The following CLASP2 variants were observed in gnomAD, a reference collection of about 807,000 sequenced individuals.
CLASP2 encodes the protein cytoplasmic linker associated protein 2, also known as CLIP-associating protein 2.
CLASP2 carries 47 observed loss-of-function variants against 194.4 expected under a neutral mutation model. That is an observed-to-expected ratio of 0.24 (90% CI 0.19 to 0.31). CLASP2 has a LOEUF of 0.31. Among genes scored for constraint, CLASP2 ranks in the 10% least tolerant of loss-of-function variants. CLASP2 has a pLI of 1.00. For synonymous variants in CLASP2, 619 were observed against 633.5 expected (o/e 0.98, Z 0.34); for missense variants, 1,445 against 1,823.6 (o/e 0.79, Z 3.78).
Position 33,584,728 on chromosome 3 carries a change from A to T in CLASP2, c.2239+22T>A, listed in dbSNP as rs554347298. On this transcript the variant is annotated intron_variant, in intron 22 of 38. Coordinates refer to ENST00000682230, the MANE Select transcript of CLASP2 (RefSeq NM_001365631.1). ...AAAAAAAGGGTTACATGTCTCACAT[A>T]AAAAAAAAAAAAAAATCTTACCCAC... is the stretch of plus-strand genomic sequence containing the variant. 6.4e-3 allele frequency: 1,781 copies of T among 279,434 alleles called. 1 individual carries two copies. The highest frequency in any genetic ancestry group is 0.02 in the South Asian group (218 of 10,688). 17.3% of individuals were successfully genotyped at this position (279,434 alleles called of 1,614,324 possible).
chr3:33,660,026 G>A (rs2085019762), intron 7 of CLASP2, among the ~76,000 whole-genome samples: 1 of 152,128 alleles, frequency 6.6e-6, no homozygotes, highest in Non-Finnish European at 1.5e-5. Flanking sequence ...AAACAGAGAA[G>A]CCAGAAAATA....
chr3:33,635,560 T>C (rs2079987784), intron 8 of CLASP2, among the ~76,000 whole-genome samples: 1 of 151,986 alleles, frequency 6.6e-6, no homozygotes, highest in Non-Finnish European at 1.5e-5. Flanking sequence ...ATAGACCAAC[T>C]AACCAAATAA....
At chr3:33,660,766 T>A (rs1228068257) in intron 7 of CLASP2, among the ~76,000 whole-genome samples, 3 of 152,258 alleles carry the variant, frequency 2.0e-5, no homozygotes, top group African/African-American at 4.8e-5. Context: ...CAGCTCTTTG[T>A]GTGCATGAAC....
At chr3:33,593,780 T>C (rs556713335) in intron 20 of CLASP2, among the ~76,000 whole-genome samples, 2 of 152,308 alleles carry the variant, frequency 1.3e-5, no homozygotes, top group East Asian at 3.9e-4. Context: ...GAAATGAGAG[T>C]ATGTTAAGTA....
chr3:33,717,027 T>C (rs2093330261), intron 1 of CLASP2, among the ~76,000 whole-genome samples: 1 of 152,188 alleles, frequency 6.6e-6, no homozygotes, highest in African/African-American at 2.4e-5. Context: ...ACAAAATATT[T>C]ACCTGGCCTC....
intron 27 of CLASP2, 76 bp from the exon 28 acceptor site, chr3:33,561,047 A>G: frequency 7.9e-7 from 1 of 1,260,536 alleles, no homozygotes; most frequent in Non-Finnish European, 1.1e-6. Context: ...CAAAGCGAAT[A>G]CAGAAAGGAA....
At chr3:33,504,492 C>A (rs977039948) in intron 37 of CLASP2, 1 of 152,172 alleles carries the variant, frequency 6.6e-6, no homozygotes, top group East Asian at 1.9e-4. Flanking sequence ...CAGATTGACT[C>A]TGAGCTGCGT....
chr3:33,628,197 A>C (rs1412491187), intron 9 of CLASP2, among the ~76,000 whole-genome samples: 1 of 152,206 alleles, frequency 6.6e-6, no homozygotes, highest in East Asian at 1.9e-4. Context: ...AATGCAAAGG[A>C]GAACAAGGCA....
At chr3:33,617,044 C>T (rs1192224385) in intron 12 of CLASP2, among the ~76,000 whole-genome samples, 1 of 147,672 alleles carries the variant, frequency 6.8e-6, no homozygotes. Flanking sequence ...TATTTTCTAA[C>T]ATTGTTACAA....
At chr3:33,531,158 C>A (rs1167634967) in intron 34 of CLASP2, among the ~76,000 whole-genome samples, 2 of 151,962 alleles carry the variant, frequency 1.3e-5, no homozygotes, top group African/African-American at 4.8e-5. Flanking sequence ...GAATATACAG[C>A]CCCCAAAGGC....
chr3:33,523,231 A>T (rs2053627126), intron 34 of CLASP2, among the ~76,000 whole-genome samples: 1 of 152,228 alleles, frequency 6.6e-6, no homozygotes, highest in Non-Finnish European at 1.5e-5. Context: ...AGAAGAGAAC[A>T]GAAAGACAGA....
intron 9 of CLASP2, among the ~76,000 whole-genome samples, chr3:33,630,448 G>A (rs1486189821): frequency 3.3e-5 from 5 of 152,014 alleles, no homozygotes; most frequent in Non-Finnish European, 7.4e-5. Flanking sequence ...AATGGGTATA[G>A]GAATAATGGT....
intron 6 of CLASP2, among the ~76,000 whole-genome samples, chr3:33,675,786 A>G (rs1281180473): frequency 1.4e-5 from 2 of 141,916 alleles, no homozygotes; most frequent in African/African-American, 5.0e-5. Flanking sequence ...ATTCTTATAT[A>G]CCAATAACAG....
At chr3:33,551,507 T>C in intron 29 of CLASP2, 112 bp from the exon 30 acceptor site, 3 of 1,057,558 alleles carry the variant, frequency 2.8e-6, no homozygotes, top group Non-Finnish European at 4.0e-6. Context: ...TATATACAGA[T>C]AGGGTCTTAC....
At chr3:33,684,519 A>C in intron 5 of CLASP2, 63 bp from the exon 6 acceptor site, 24 of 1,134,354 alleles carry the variant, frequency 2.1e-5, no homozygotes, top group Non-Finnish European at 2.9e-5. Flanking sequence ...ACTTCATCTC[A>C]AGGTAACATT....
chr3:33,707,375 A>G (rs946020603), intron 1 of CLASP2, among the ~76,000 whole-genome samples: 1 of 152,266 alleles, frequency 6.6e-6, no homozygotes, highest in African/African-American at 2.4e-5. Context: ...GTAAATGGAA[A>G]GAATCATAGC....
intron 7 of CLASP2, among the ~76,000 whole-genome samples, chr3:33,660,119 A>G (rs2085040664): frequency 6.6e-6 from 1 of 152,214 alleles, no homozygotes; most frequent in South Asian, 2.1e-4. Flanking sequence ...AGTTTTTTTC[A>G]CAGTGAAAGA....
chr3:33,639,035 T>C (rs1004732282), intron 8 of CLASP2, among the ~76,000 whole-genome samples: 1 of 152,190 alleles, frequency 6.6e-6, no homozygotes, highest in Non-Finnish European at 1.5e-5. Flanking sequence ...TTTTTGTAAG[T>C]TTAAAACCAT....
intron 18 of CLASP2, among the ~76,000 whole-genome samples, chr3:33,597,498 G>A (rs2070754324): frequency 1.3e-5 from 2 of 152,152 alleles, no homozygotes; most frequent in Admixed American, 6.5e-5. Context: ...TGGGGACACT[G>A]AACTCTGCTA....
Sources: allele counts gnomAD v4.1 joint callset (sites outside exome capture counted in the v4.1 genomes callset), GRCh38; gene constraint gnomAD v4.1.1; transcripts MANE v1.5; gene names NCBI Gene and HGNC (gene_info 2026-07-23, HGNC 2026-07-21).